The following HTR2C variants were observed in gnomAD, a reference collection of about 807,000 sequenced individuals.
HTR2C encodes 5-hydroxytryptamine (serotonin) receptor 2C, G protein-coupled.
A neutral mutation model predicts 21.0 loss-of-function variants in HTR2C; 5 were observed. The ratio of observed to expected loss-of-function variants is 0.24; its 90% CI spans 0.12 to 0.50. The LOEUF is 0.50. Among genes scored for constraint, HTR2C ranks in the 20% least tolerant of loss-of-function variants. HTR2C has a pLI of 0.98. For missense variants in HTR2C, 271 were observed against 371.2 expected (o/e 0.73, Z 2.22); for synonymous variants, 150 against 145.3 (o/e 1.03, Z -0.23).
chrX:114,739,878 G>GC (rs1556425065), intron 4 of HTR2C, among the ~76,000 whole-genome samples: 1 of 110,901 alleles, frequency 9.0e-6, no homozygotes. Context: ...GGCTGAGGCA[G>GC]GTGGATCACT....
At position 114,732,033 on chromosome X, in the gene HTR2C, T is replaced by C. The variant is rs1602729560; in HGVS notation, c.349+426T>C. Among the ~76,000 whole-genome samples, 3 of 111,850 alleles carry C rather than the reference T, an allele frequency of 2.7e-5. 1 individual carries two copies. The Admixed American group carries it at 2.9e-4, about 11-fold the overall frequency. The stretch of plus-strand genomic sequence containing the variant: ...ATTTTAAGAAATCCTTTTTTAAAGC[T>C]GCCAAACTAAGTGGTTGACACAAAA... On this transcript the variant is annotated intron_variant, in intron 4 of 5. Transcript: ENST00000276198.
chrX:114,637,124 A>AT (rs201766228), intron 2 of HTR2C, among the ~76,000 whole-genome samples: 393 of 109,848 alleles, frequency 3.6e-3, no homozygotes, highest in African/African-American at 0.011. Flanking sequence ...TTTTAAGTGT[A>AT]TTTTTTTTTC....
chrX:114,678,531 T>C (rs6579494), intron 2 of HTR2C, among the ~76,000 whole-genome samples: 2,046 of 111,479 alleles, frequency 0.018, 57 homozygotes, highest in African/African-American at 0.064. Context: ...TGGCGATTAG[T>C]AGGCAGACCA....
At chrX:114,674,593 G>A (rs190711646) in intron 2 of HTR2C, among the ~76,000 whole-genome samples, 92 of 111,364 alleles carry the variant, frequency 8.3e-4, no homozygotes, top group African/African-American at 2.7e-3. Flanking sequence ...ATTATGATAC[G>A]TAATCAGGGC....
At chrX:114,779,766 T>C (rs1444987799) in intron 4 of HTR2C, among the ~76,000 whole-genome samples, 2 of 112,199 alleles carry the variant, frequency 1.8e-5, no homozygotes, top group African/African-American at 6.5e-5. Context: ...TGTCAACTTA[T>C]TTGTAGGAGG....
At chrX:114,828,732 T>C (rs2070697416) in intron 4 of HTR2C, among the ~76,000 whole-genome samples, 1 of 111,837 alleles carries the variant, frequency 8.9e-6, no homozygotes, top group African/African-American at 3.2e-5. Context: ...TTTTCTACAT[T>C]GCCCCATTCC....
intron 1 of HTR2C, among the ~76,000 whole-genome samples, chrX:114,598,846 A>G (rs782714490): frequency 9.0e-6 from 1 of 111,683 alleles, no homozygotes; most frequent in African/African-American, 3.2e-5. Flanking sequence ...AAGTGACTCA[A>G]TATTGCCTGT....
intron 4 of HTR2C, among the ~76,000 whole-genome samples, chrX:114,750,884 C>T (rs782723107): frequency 1.8e-5 from 2 of 111,572 alleles, no homozygotes; most frequent in South Asian, 7.5e-4. Context: ...CAGTTTTAAT[C>T]AGATAGTAAG....
chrX:114,615,384 A>G (rs991429013), intron 2 of HTR2C, among the ~76,000 whole-genome samples: 26 of 111,986 alleles, frequency 2.3e-4, no homozygotes, highest in Admixed American at 6.7e-4. Context: ...AAAAAATTTC[A>G]TAAGGGACGT....
intron 2 of HTR2C, among the ~76,000 whole-genome samples, chrX:114,723,358 A>G (rs1157657716): frequency 6.3e-5 from 7 of 111,002 alleles, no homozygotes; most frequent in African/African-American, 9.8e-5. Context: ...GATCAGTGGT[A>G]ATATCCCCTT....
At chrX:114,789,867 A>G (rs977796978) in intron 4 of HTR2C, among the ~76,000 whole-genome samples, 1 of 111,727 alleles carries the variant, frequency 9.0e-6, no homozygotes, top group African/African-American at 3.2e-5. Context: ...CACCTGTAAC[A>G]GTGCCTGGCA....
At chrX:114,589,759 T>C in intron 1 of HTR2C, 1 of 284,995 alleles carries the variant, frequency 3.5e-6, no homozygotes, top group Non-Finnish European at 6.5e-6. Context: ...GCAGTGAATA[T>C]GGTGGGCAGA....
At chrX:114,683,289 C>A (rs2147855882) in intron 2 of HTR2C, among the ~76,000 whole-genome samples, 1 of 111,621 alleles carries the variant, frequency 9.0e-6, no homozygotes. Flanking sequence ...AACTGCTATT[C>A]ATTTATAGCA....
intron 1 of HTR2C, among the ~76,000 whole-genome samples, chrX:114,596,668 T>C: frequency 8.9e-6 from 1 of 112,271 alleles, no homozygotes; most frequent in South Asian, 3.7e-4. Flanking sequence ...AGAAAAGTTA[T>C]TTATAGCTTG....
chrX:114,675,205 A>G lies in HTR2C; in HGVS notation c.-79-51653A>G, dbSNP rs185959330. ...GTTCTACATTATTTAATACATCTTCAATGAGCCAGGTCAGAGGGTGGTATG... is the reference window on the plus strand; with the variant it reads ...GTTCTACATTATTTAATACATCTTCGATGAGCCAGGTCAGAGGGTGGTATG... On this transcript the variant is annotated intron_variant, in intron 2 of 5. Coordinates refer to ENST00000276198, the MANE Select transcript of HTR2C (RefSeq NM_000868.4). Among the ~76,000 whole-genome samples, 6 of 112,221 alleles carry G rather than the reference A, an allele frequency of 5.3e-5. No homozygotes were observed. The East Asian group carries it at 1.7e-3, about 31-fold the overall frequency.
chrX:114,812,109 C>G (rs190170519), intron 4 of HTR2C, among the ~76,000 whole-genome samples: 8 of 109,212 alleles, frequency 7.3e-5, no homozygotes, highest in East Asian at 5.8e-4. Flanking sequence ...ACCCACCCCC[C>G]ACAACAGGAC....
At chrX:114,901,638 T>G (rs2147536636) in intron 5 of HTR2C, among the ~76,000 whole-genome samples, 1 of 112,054 alleles carries the variant, frequency 8.9e-6, no homozygotes, top group South Asian at 3.6e-4. Context: ...AGAGTTTAAG[T>G]AACCTTAATA....
At chrX:114,803,853 GA>G (rs782287581) in intron 4 of HTR2C, among the ~76,000 whole-genome samples, 2 of 111,384 alleles carry the variant, frequency 1.8e-5, no homozygotes, top group Non-Finnish European at 3.8e-5. Context: ...CCACATAGCT[GA>G]AAAAAATATT....
intron 1 of HTR2C, among the ~76,000 whole-genome samples, chrX:114,603,321 G>A (rs954540926): frequency 1.8e-5 from 2 of 110,542 alleles, no homozygotes; most frequent in South Asian, 7.9e-4. Flanking sequence ...TGTAGAGAGA[G>A]ATTTGACATA....
Sources: allele counts gnomAD v4.1 joint callset (sites outside exome capture counted in the v4.1 genomes callset), GRCh38; gene constraint gnomAD v4.1.1; transcripts MANE v1.5; gene names NCBI Gene and HGNC (gene_info 2026-07-23, HGNC 2026-07-21).